Variants in DCC observed in about 807,000 individuals in gnomAD.
The protein encoded by DCC is DCC netrin 1 receptor, also known as netrin receptor DCC.
DCC carries 58 observed loss-of-function variants against 172.5 expected under a neutral mutation model. The observed-to-expected ratio is 0.34, with a 90% CI of 0.27 to 0.42. DCC has a LOEUF of 0.42. DCC is among the 10% of genes least tolerant of loss of function. The pLI is 1.00. For missense variants in DCC, 1,740 were observed against 1,791.0 expected (o/e 0.97, Z 0.51); for synonymous variants, 709 against 644.5 (o/e 1.10, Z -1.52).
intron 1 of DCC, among the ~76,000 whole-genome samples, chr18:52,494,003 C>T (rs1299726067): frequency 6.6e-6 from 1 of 151,958 alleles, no homozygotes; most frequent in Admixed American, 6.6e-5. Context: ...TTTAGAATTT[C>T]CTTCAGTGCA....
intron 18 of DCC, among the ~76,000 whole-genome samples, chr18:53,397,989 A>G (rs967358919): frequency 1.3e-5 from 2 of 152,148 alleles, no homozygotes; most frequent in African/African-American, 4.8e-5. Flanking sequence ...TAAATAGTTC[A>G]AATCTAGGGT....
intron 7 of DCC, among the ~76,000 whole-genome samples, chr18:53,129,756 G>A (rs7229097): frequency 0.63 from 95,073 of 151,602 alleles, 30,875 homozygotes; most frequent in African/African-American, 0.77. Context: ...ATATATGAAC[G>A]CTTTCTAATT....
intron 2 of DCC, among the ~76,000 whole-genome samples, chr18:52,773,022 C>T (rs958860146): frequency 1.3e-5 from 2 of 152,186 alleles, no homozygotes; most frequent in Non-Finnish European, 2.9e-5. Context: ...ATGGCTATAG[C>T]TATCATATGA....
At chr18:52,488,057 T>C (rs745835219) in intron 1 of DCC, among the ~76,000 whole-genome samples, 15 of 152,050 alleles carry the variant, frequency 9.9e-5, no homozygotes, top group African/African-American at 9.7e-5. Context: ...CCTTAATTCT[T>C]GGTCAGCAAT....
At chr18:53,374,327 C>T (rs956965184) in intron 15 of DCC, among the ~76,000 whole-genome samples, 14 of 152,102 alleles carry the variant, frequency 9.2e-5, no homozygotes, top group African/African-American at 1.2e-4. Flanking sequence ...AGTAGATTGC[C>T]TTAATTGGGA....
intron 5 of DCC, among the ~76,000 whole-genome samples, chr18:53,047,809 T>TA (rs1320313309): frequency 6.6e-6 from 1 of 151,800 alleles, no homozygotes; most frequent in Non-Finnish European, 1.5e-5. Context: ...CTCTACGCCT[T>TA]ATTTTTCTCT....
chr18:52,688,866 T>C (rs180971559), intron 1 of DCC, among the ~76,000 whole-genome samples: 16 of 152,244 alleles, frequency 1.1e-4, no homozygotes, highest in Admixed American at 9.2e-4. Context: ...ATATTTAACA[T>C]TCCCATTGCT....
intron 1 of DCC, among the ~76,000 whole-genome samples, chr18:52,563,231 A>G (rs1473580875): frequency 6.6e-6 from 1 of 152,198 alleles, no homozygotes; most frequent in East Asian, 1.9e-4. Flanking sequence ...TAGTTTTTTG[A>G]TGCTGACTTT....
At chr18:53,340,126 A>G (rs910174931) in intron 15 of DCC, among the ~76,000 whole-genome samples, 1 of 151,864 alleles carries the variant, frequency 6.6e-6, no homozygotes, top group African/African-American at 2.4e-5. Context: ...TTGGGATTTC[A>G]GGAATTTGAT....
chr18:53,083,943 C>T (rs899171152), intron 7 of DCC, among the ~76,000 whole-genome samples: 4 of 152,126 alleles, frequency 2.6e-5, no homozygotes, highest in African/African-American at 7.2e-5. Flanking sequence ...AACCTTTCTC[C>T]GAATTTCCCT....
chr18:53,351,090 C>T (rs931446504), intron 15 of DCC, among the ~76,000 whole-genome samples: 18 of 150,466 alleles, frequency 1.2e-4, no homozygotes, highest in African/African-American at 4.1e-4. Context: ...TTAAGGATAG[C>T]CACAGGGTGA....
At chr18:52,706,224 C>A (rs968425095) in intron 1 of DCC, among the ~76,000 whole-genome samples, 1 of 152,158 alleles carries the variant, frequency 6.6e-6, no homozygotes, top group South Asian at 2.1e-4. Flanking sequence ...CCTTTGAACT[C>A]TAGAAACAAA....
chr18:53,161,368 C>A (rs1220543326), intron 8 of DCC, among the ~76,000 whole-genome samples: 1 of 152,172 alleles, frequency 6.6e-6, no homozygotes, highest in African/African-American at 2.4e-5. Context: ...TTTCCTATTG[C>A]ACATGCTCTC....
chr18:52,467,782 A>G (rs1017925170), intron 1 of DCC, among the ~76,000 whole-genome samples: 1 of 152,100 alleles, frequency 6.6e-6, no homozygotes, highest in African/African-American at 2.4e-5. Flanking sequence ...TTTGATTTGC[A>G]TTTCTCTAAT....
intron 1 of DCC, among the ~76,000 whole-genome samples, chr18:52,515,710 T>A (rs1457017607): frequency 6.8e-6 from 1 of 146,986 alleles, no homozygotes; most frequent in African/African-American, 2.5e-5. Context: ...GTCCTCACAC[T>A]CCAAAAGAAC....
chr18:52,647,009 C>T (rs2035031906), intron 1 of DCC, among the ~76,000 whole-genome samples: 1 of 152,200 alleles, frequency 6.6e-6, no homozygotes, highest in Admixed American at 6.5e-5. Context: ...TAACAAAAGA[C>T]AGTCCTTTCA....
intron 5 of DCC, among the ~76,000 whole-genome samples, chr18:53,012,818 C>T (rs1353752664): frequency 6.6e-6 from 1 of 152,024 alleles, no homozygotes; most frequent in Non-Finnish European, 1.5e-5. Context: ...AAAATTTTTG[C>T]AATCTCTCCA....
At chr18:52,544,714 G>GTAGATATAGA (rs67420953) in intron 1 of DCC, among the ~76,000 whole-genome samples, 3 of 152,058 alleles carry the variant, frequency 2.0e-5, no homozygotes, top group Admixed American at 2.0e-4. Flanking sequence ...AAAAATATAT[G>GTAGATATAGA]TAGATATAGA....
At chr18:53,251,944 G>T (rs1434575408) in intron 12 of DCC, among the ~76,000 whole-genome samples, 1 of 151,816 alleles carries the variant, frequency 6.6e-6, no homozygotes, top group Non-Finnish European at 1.5e-5. Context: ...ACCTTTTTCT[G>T]CTGAGGTCTC....
Sources: gnomAD v4.1 joint callset for allele counts (sites outside exome capture counted in the v4.1 genomes callset) on GRCh38, gnomAD v4.1.1 for gene constraint, MANE v1.5 for transcripts, NCBI Gene and HGNC (gene_info 2026-07-23, HGNC 2026-07-21) for gene names.